Variants in GABBR2 observed in about 807,000 individuals in gnomAD.
GABBR2 encodes the protein gamma-aminobutyric acid type B receptor subunit 2, also known as G-protein coupled receptor 51.
A neutral mutation model predicts 105.6 loss-of-function variants in GABBR2; 23 were observed. The observed-to-expected ratio is 0.22, with a 90% CI of 0.16 to 0.31. GABBR2 has a LOEUF of 0.31. GABBR2 is among the 10% of genes least tolerant of loss of function. The pLI is 1.00. For missense variants in GABBR2, 734 were observed against 1,245.5 expected (o/e 0.59, Z 6.18); for synonymous variants, 478 against 499.7 (o/e 0.96, Z 0.58).
At chr9:98,401,668 G>A (rs1588142184) in intron 8 of GABBR2, among the ~76,000 whole-genome samples, 1 of 152,160 alleles carries the variant, frequency 6.6e-6, no homozygotes, top group African/African-American at 2.4e-5. Flanking sequence ...CCATGACTTG[G>A]TGAAGCGAGC....
chr9:98,408,940 A>G (rs1462098576), intron 7 of GABBR2, among the ~76,000 whole-genome samples: 1 of 152,186 alleles, frequency 6.6e-6, no homozygotes, highest in Non-Finnish European at 1.5e-5. Flanking sequence ...CATTACACCC[A>G]GGTAATTTAC....
chr9:98,529,251 G>A (rs1285204714), intron 3 of GABBR2, among the ~76,000 whole-genome samples: 1 of 152,146 alleles, frequency 6.6e-6, no homozygotes, highest in Non-Finnish European at 1.5e-5. Flanking sequence ...GGAAGAAAGG[G>A]AACAGACTGT....
At chr9:98,364,023 A>AG (rs1831633352) in intron 12 of GABBR2, among the ~76,000 whole-genome samples, 1 of 152,214 alleles carries the variant, frequency 6.6e-6, no homozygotes, top group Non-Finnish European at 1.5e-5. Context: ...GCCATTTTTA[A>AG]AGGAGAAATA....
intron 1 of GABBR2, among the ~76,000 whole-genome samples, chr9:98,681,531 T>C (rs1830546735): frequency 2.0e-5 from 3 of 151,628 alleles, no homozygotes; most frequent in Admixed American, 2.0e-4. Flanking sequence ...CATGTATACA[T>C]ATGTAACTAA....
chr9:98,347,468 A>G (rs1194666476), intron 13 of GABBR2, among the ~76,000 whole-genome samples: 1 of 152,140 alleles, frequency 6.6e-6, no homozygotes, highest in Non-Finnish European at 1.5e-5. Flanking sequence ...TATTCTGGAC[A>G]TTAGTCCCTT....
At chr9:98,434,530 C>T (rs749156061) in intron 7 of GABBR2, among the ~76,000 whole-genome samples, 8 of 152,164 alleles carry the variant, frequency 5.3e-5, no homozygotes, top group Non-Finnish European at 7.4e-5. Context: ...CCCATCATGG[C>T]CTATTCAAGC....
intron 17 of GABBR2, among the ~76,000 whole-genome samples, chr9:98,294,926 G>C (rs546988808): frequency 6.6e-6 from 1 of 152,252 alleles, no homozygotes; most frequent in South Asian, 2.1e-4. Context: ...AACTCTCTCT[G>C]TGCTTCAGGA....
chr9:98,394,581 TC>T (rs1219233131), intron 8 of GABBR2, among the ~76,000 whole-genome samples: 1 of 152,118 alleles, frequency 6.6e-6, no homozygotes, highest in Non-Finnish European at 1.5e-5. Context: ...CCTGTAACAT[TC>T]CCCCTGCTCA....
intron 13 of GABBR2, among the ~76,000 whole-genome samples, chr9:98,314,777 C>G (rs752639954): frequency 3.9e-5 from 6 of 152,160 alleles, no homozygotes; most frequent in Non-Finnish European, 5.9e-5. Flanking sequence ...GGGGACACAC[C>G]ACTGTGCCTT....
At position 98,677,197 on chromosome 9, in the gene GABBR2, T is replaced by C. The variant is rs372346306; in HGVS notation, c.321+31220A>G. Among the ~76,000 whole-genome samples the C allele has an allele frequency of 1.1e-4, 17 of 152,336 alleles. No individual in the cohort carries two copies. In the South Asian group the frequency reaches 3.5e-3, roughly 32 times the overall value. On this transcript the variant is annotated intron_variant, in intron 1 of 18. Coordinates refer to ENST00000259455, the MANE Select transcript of GABBR2 (RefSeq NM_005458.8). ...AAGTCTTACCATCTGCAGCAGTTATTTTCAGCTCAAGAAGATAGGTCTGGG... is the reference window on the plus strand; with the variant it reads ...AAGTCTTACCATCTGCAGCAGTTATCTTCAGCTCAAGAAGATAGGTCTGGG...
At chr9:98,293,971 T>C in intron 17 of GABBR2, 69 bp from the exon 18 acceptor site, 1 of 913,772 alleles carries the variant, frequency 1.1e-6, no homozygotes. Flanking sequence ...CAATGCAACT[T>C]TTTGTAGGAT....
intron 9 of GABBR2, among the ~76,000 whole-genome samples, chr9:98,389,597 C>T (rs899324857): frequency 5.9e-5 from 9 of 152,234 alleles, no homozygotes; most frequent in African/African-American, 2.2e-4. Flanking sequence ...AAGCTACCTT[C>T]CTCTCCCTGC....
In GABBR2 at chr9:98,306,898, G is replaced by C. The variant is rs1830560534; in HGVS notation, c.2005-553C>G. On this transcript the variant is annotated intron_variant, in intron 14 of 18. Coordinates refer to ENST00000259455, the MANE Select transcript of GABBR2 (RefSeq NM_005458.8). This position sits in a 1 kb window ranked among gnomAD's most constrained non-coding sequence, Gnocchi z 5.4. Reference sequence around the variant, plus strand: ...AGAGGCTAGGCGTGGCATATTGCTAGCTTCTGGACAATGCCTGTAAATAGA... The same window carrying C: ...AGAGGCTAGGCGTGGCATATTGCTACCTTCTGGACAATGCCTGTAAATAGA... Among the ~76,000 whole-genome samples, 1 of 152,212 alleles carries C rather than the reference G, an allele frequency of 6.6e-6. No individual in the cohort carries two copies. The highest frequency in any genetic ancestry group is 2.4e-5 in the African/African-American group (1 of 41,458).
At chr9:98,550,540 C>CA (rs1297656457) in intron 2 of GABBR2, among the ~76,000 whole-genome samples, 4 of 152,188 alleles carry the variant, frequency 2.6e-5, no homozygotes, top group African/African-American at 9.7e-5. Context: ...ACCACAGCCC[C>CA]TCAGAAATGA....
intron 7 of GABBR2, 27 bp from the exon 8 acceptor site, chr9:98,406,168 CAAG>C (rs772038066): frequency 6.8e-7 from 1 of 1,468,080 alleles, no homozygotes. Context: ...ACAAATCAAA[CAAG>C]AATAAAAGAG....
intron 1 of GABBR2, among the ~76,000 whole-genome samples, chr9:98,673,826 G>A (rs777739636): frequency 1.3e-5 from 2 of 152,146 alleles, no homozygotes; most frequent in Non-Finnish European, 2.9e-5. Flanking sequence ...ACAAGCCCTT[G>A]TCTGACCTAC....
chr9:98,464,083 G>A (rs1053339490), intron 6 of GABBR2, among the ~76,000 whole-genome samples: 2 of 152,040 alleles, frequency 1.3e-5, no homozygotes, highest in African/African-American at 4.8e-5. Context: ...CAGCGTCTCT[G>A]CCTGGCAGCC....
chr9:98,514,999 A>T (rs1038177920), intron 3 of GABBR2, among the ~76,000 whole-genome samples: 2 of 152,116 alleles, frequency 1.3e-5, no homozygotes, highest in African/African-American at 4.8e-5. Flanking sequence ...GGCCAGTTCC[A>T]GTGGGGGAGG....
intron 1 of GABBR2, among the ~76,000 whole-genome samples, chr9:98,683,065 C>A (rs1830570037): frequency 1.3e-5 from 2 of 152,164 alleles, no homozygotes; most frequent in Admixed American, 1.3e-4. Context: ...GCTCTGAGGT[C>A]TTGGGGAAGT....
Sources: allele counts gnomAD v4.1 joint callset (sites outside exome capture counted in the v4.1 genomes callset), GRCh38; gene constraint gnomAD v4.1.1; non-coding constraint Gnocchi (gnomAD v3.1); transcripts MANE v1.5; gene names NCBI Gene and HGNC (gene_info 2026-07-23, HGNC 2026-07-21).